FBXW8: variants seen among roughly 807,000 people sequenced by gnomAD.
FBXW8 encodes F-box and WD repeat domain containing 8.
FBXW8 carries 57 observed loss-of-function variants against 65.3 expected under a neutral mutation model. That is an observed-to-expected ratio of 0.87 (90% CI 0.71 to 1.09). FBXW8 has a LOEUF of 1.09. Among genes scored for constraint, FBXW8 ranks in the 50% least tolerant of loss-of-function variants. The pLI is 0.00. For missense variants in FBXW8, 777 were observed against 814.8 expected (o/e 0.95, Z 0.57); for synonymous variants, 308 against 330.2 (o/e 0.93, Z 0.73).
Position 116,936,953 on chromosome 12 carries a change from A to G in FBXW8, c.424-8411A>G, listed in dbSNP as rs1044813694. On this transcript the variant is annotated intron_variant, in intron 2 of 10. Coordinates refer to ENST00000652555, the MANE Select transcript of FBXW8 (RefSeq NM_153348.3). This position sits in a 1 kb window ranked among gnomAD's most constrained non-coding sequence, Gnocchi z 4.6. ...AGGGACCATTTGGGCTGCTGTGTGG[A>G]GAATCGGTTGTTGGGGGACAAGGAC... Among the ~76,000 whole-genome samples, 1 of 152,062 alleles carries G rather than the reference A, an allele frequency of 6.6e-6. No individual in the cohort carries two copies. The highest frequency in any genetic ancestry group is 2.4e-5 in the African/African-American group (1 of 41,402).
chr12:116,937,432 G>A (rs1882244473), intron 2 of FBXW8, among the ~76,000 whole-genome samples: 1 of 152,232 alleles, frequency 6.6e-6, no homozygotes, highest in South Asian at 2.1e-4. Flanking sequence ...AGCAGGGCCA[G>A]GCAGAGGACC....
chr12:116,910,998 G>A lies in FBXW8; in HGVS notation c.-40G>A. The A allele has an allele frequency of 7.3e-7, 1 of 1,363,298 alleles. No homozygotes were observed. Among genetic ancestry groups the A allele is most frequent in the Non-Finnish European group, 9.4e-7 (1 of 1,064,788 alleles). The allele number at this position is 1,363,298 out of a possible 1,614,324, so 84.5% of individuals were successfully genotyped here. The stretch of plus-strand genomic sequence containing the variant: ...GGGCGGGACTGTCTCGTGGCACCCG[G>A]TGGAACCGAGGAGAACGTGGAGCGC... On this transcript the variant is annotated 5_prime_UTR_variant, in exon 1 of 11. It adds an upstream start codon to the 5' untranslated region. Transcript: ENST00000652555.
At chr12:116,967,075 A>G (rs1471790367) in intron 5 of FBXW8, among the ~76,000 whole-genome samples, 2 of 152,162 alleles carry the variant, frequency 1.3e-5, no homozygotes, top group Non-Finnish European at 2.9e-5. Flanking sequence ...TGCAAAAAGA[A>G]GTCGAGGTAT....
chr12:116,938,087 T>C (rs1882289019), intron 2 of FBXW8, among the ~76,000 whole-genome samples: 1 of 152,182 alleles, frequency 6.6e-6, no homozygotes, highest in African/African-American at 2.4e-5. Flanking sequence ...GATTTCCTCT[T>C]GGTGGGACCC....
chr12:117,025,432 C>T (rs1376219645), intron 9 of FBXW8, among the ~76,000 whole-genome samples: 4 of 152,234 alleles, frequency 2.6e-5, no homozygotes, highest in Non-Finnish European at 4.4e-5. Flanking sequence ...AAGATTTGTT[C>T]CCCACTTACC....
intron 4 of FBXW8, among the ~76,000 whole-genome samples, chr12:116,954,967 G>A (rs997579257): frequency 6.7e-6 from 1 of 148,550 alleles, no homozygotes; most frequent in African/African-American, 2.4e-5. Context: ...CAAACCAATA[G>A]CCTTTTCTTG....
At chr12:116,986,094 C>T (rs1351654802) in intron 6 of FBXW8, 1 of 152,206 alleles carries the variant, frequency 6.6e-6, no homozygotes, top group Non-Finnish European at 1.5e-5. Context: ...TTTAAACAAA[C>T]TTGATTTTGG....
chr12:117,013,927 G>C (rs1424818301), intron 8 of FBXW8, among the ~76,000 whole-genome samples: 1 of 151,418 alleles, frequency 6.6e-6, no homozygotes, highest in East Asian at 1.9e-4. Flanking sequence ...TTTAAACCCT[G>C]TCTGGGGTTT....
chr12:116,991,268 C>T (rs962893616), intron 7 of FBXW8, among the ~76,000 whole-genome samples: 4 of 152,220 alleles, frequency 2.6e-5, no homozygotes, highest in African/African-American at 7.2e-5. Context: ...TACCAAGCTT[C>T]ATCTATGTAA....
At chr12:117,007,001 CACAG>C (rs890138112) in intron 7 of FBXW8, among the ~76,000 whole-genome samples, 2 of 152,072 alleles carry the variant, frequency 1.3e-5, no homozygotes, top group African/African-American at 4.8e-5. Context: ...TGTGTATACA[CACAG>C]AGGCAGATGT....
chr12:116,922,174 G>A (rs565964386), intron 1 of FBXW8, among the ~76,000 whole-genome samples: 14 of 151,798 alleles, frequency 9.2e-5, no homozygotes, highest in Non-Finnish European at 1.9e-4. Flanking sequence ...TATATATTTC[G>A]AGACAAATTG....
chr12:116,964,584 C>A, intron 4 of FBXW8, 113 bp from the exon 5 acceptor site: 1 of 1,268,628 alleles, frequency 7.9e-7, no homozygotes, highest in Non-Finnish European at 1.1e-6. Flanking sequence ...TCAGCAGTGG[C>A]TCTACACCAC....
chr12:116,989,650 T>C (rs1175049801), intron 7 of FBXW8, among the ~76,000 whole-genome samples: 1 of 152,214 alleles, frequency 6.6e-6, no homozygotes, highest in African/African-American at 2.4e-5. Flanking sequence ...GTCTAAAAGC[T>C]GATTTATAGA....
Position 116,936,308 on chromosome 12 carries a change from AAG to A in FBXW8, c.423+8182_423+8183del, listed in dbSNP as rs1882154028. On this transcript the variant is annotated intron_variant, in intron 2 of 10. Transcript: ENST00000652555. This position sits in a 1 kb window ranked among gnomAD's most constrained non-coding sequence, Gnocchi z 4.6. ...CCTGTTGTGTTTGAAGAACAGCAGG[AAG>A]GTCCAAGTGGGTGGTTGTCGTACGC... Among the ~76,000 whole-genome samples, 1 of 152,226 alleles carries A rather than the reference AAG, an allele frequency of 6.6e-6. No individual in the cohort carries two copies. Among genetic ancestry groups the A allele is most frequent in the Non-Finnish European group, 1.5e-5 (1 of 68,042 alleles).
chr12:116,938,757 G>T (rs927356216), intron 2 of FBXW8, among the ~76,000 whole-genome samples: 1 of 152,170 alleles, frequency 6.6e-6, no homozygotes, highest in East Asian at 1.9e-4. Context: ...TGATTCAGAG[G>T]CTCCATCCAA....
intron 1 of FBXW8, among the ~76,000 whole-genome samples, chr12:116,924,410 T>C (rs1451844941): frequency 1.3e-5 from 2 of 151,828 alleles, no homozygotes; most frequent in African/African-American, 2.4e-5. Flanking sequence ...CTAAAACGTT[T>C]ATTATTTGTG....
chr12:117,027,648 G>T lies in FBXW8; in HGVS notation c.1652+144G>T, dbSNP rs530596196. ...CTTTCTGCGAATTGGAAACATAAAC[G>T]TGGATGCTGACCTGTACTGAGCACC... On this transcript the variant is annotated intron_variant, in intron 10 of 10. Coordinates refer to ENST00000652555, the MANE Select transcript of FBXW8 (RefSeq NM_153348.3). The T allele has an allele frequency of 7.0e-6, 5 of 711,916 alleles. No homozygotes were observed. In the South Asian group the frequency reaches 8.4e-5, roughly 12 times the overall value. The allele number at this position is 711,916 out of a possible 1,614,324, so 44.1% of individuals were successfully genotyped here.
rs79282036 is a variant in FBXW8 at position 117,031,127 on chromosome 12, A to G, written c.*2955A>G. 2 of 152,350 alleles carry G rather than the reference A, an allele frequency of 1.3e-5. No individual in the cohort carries two copies. The highest frequency in any genetic ancestry group is 1.9e-4 in the East Asian group (1 of 5,184). 9.4% of individuals were successfully genotyped at this position (152,350 alleles called of 1,614,324 possible). ...GCTTTATGATGTCCGTAGTTGTTCT[A>G]ATATTAAATGCTTTGAATTTCTTTA... On this transcript the variant is annotated 3_prime_UTR_variant, in exon 11 of 11. Coordinates refer to ENST00000652555, the MANE Select transcript of FBXW8 (RefSeq NM_153348.3).
At position 117,030,243 on chromosome 12, in the gene FBXW8, A is replaced by T. The variant is rs370280395; in HGVS notation, c.*2071A>T. On this transcript the variant is annotated 3_prime_UTR_variant, in exon 11 of 11. Coordinates refer to ENST00000652555, the MANE Select transcript of FBXW8 (RefSeq NM_153348.3). Reference sequence around the variant, plus strand: ...GGAGCAGATAGAGCTGCGACTGGGAAGCGTCACCTTCCCGTCCAGAGCGCT... The same window carrying T: ...GGAGCAGATAGAGCTGCGACTGGGATGCGTCACCTTCCCGTCCAGAGCGCT... 6.6e-6 allele frequency: 1 copy of T among 152,192 alleles called. No homozygotes were observed. The highest frequency in any genetic ancestry group is 2.4e-5 in the African/African-American group (1 of 41,454). 9.4% of individuals were successfully genotyped at this position (152,192 alleles called of 1,614,324 possible).
Sources: allele counts gnomAD v4.1 joint callset (sites outside exome capture counted in the v4.1 genomes callset), GRCh38; gene constraint gnomAD v4.1.1; non-coding constraint Gnocchi (gnomAD v3.1); transcripts MANE v1.5; gene names NCBI Gene and HGNC (gene_info 2026-07-23, HGNC 2026-07-21).